The following SEC24C variants were observed in gnomAD, a reference collection of about 807,000 sequenced individuals.
The protein encoded by SEC24C is SEC24 homolog C, COPII component, also known as protein transport protein Sec24C.
SEC24C carries 22 observed loss-of-function variants against 117.0 expected under a neutral mutation model. The observed-to-expected ratio is 0.19, with a 90% confidence interval of 0.13 to 0.27. The LOEUF (loss-of-function observed/expected upper bound fraction) is 0.27. Ranked by LOEUF, SEC24C falls within the 10% of genes least tolerant of loss-of-function variation. The pLI, the probability that SEC24C is intolerant of heterozygous loss-of-function variation, is 1.00. For missense variants in SEC24C, 1,155 were observed against 1,375.1 expected (o/e 0.84, Z 2.53); for synonymous variants, 506 against 529.4 (o/e 0.96, Z 0.61).
Position 73,763,606 on chromosome 10 carries a change from G to A in SEC24C, c.1099+5G>A. 1.4e-6 allele frequency: 2 copies of A among 1,433,784 alleles called. No homozygotes were observed. The highest frequency in any genetic ancestry group is 1.9e-6 in the Non-Finnish European group (2 of 1,058,948). 88.8% of individuals were successfully genotyped at this position (1,433,784 alleles called of 1,614,324 possible). On this transcript the variant is annotated splice_donor_5th_base_variant and intron_variant, in intron 7 of 22. Transcript: ENST00000345254. ...ACTTCCTGGTGAAAGACCAAGGTGA[G>A]AATGGAATTAGCTCCTCCCACAGGG...
At chr10:73,766,618 G>A (rs1047413358) in intron 12 of SEC24C, 77 bp downstream of exon 12, 4 of 1,491,796 alleles carry the variant, frequency 2.7e-6, no homozygotes, top group East Asian at 2.3e-5. Context: ...TTGAACAGAG[G>A]TATTGGACAG....
chr10:73,765,742 C>T, intron 9 of SEC24C, 58 bp from the exon 10 acceptor site: 3 of 1,569,342 alleles, frequency 1.9e-6, no homozygotes, highest in Non-Finnish European at 2.6e-6. Context: ...TCAGCTAGGG[C>T]CAGAATACTA....
chr10:73,762,192 G>A (rs976652976), intron 6 of SEC24C: 1 of 1,285,280 alleles, frequency 7.8e-7, no homozygotes, highest in Non-Finnish European at 1.0e-6. Flanking sequence ...GGGTGTTTGT[G>A]CATGTCATTC....
Position 73,748,725 on chromosome 10 carries a change from C to T in SEC24C, c.172+1721C>T, listed in dbSNP as rs139969257. 5.4e-3 allele frequency among the ~76,000 whole-genome samples: 802 copies of T among 149,686 alleles called. 6 individuals carry two copies. The highest frequency in any genetic ancestry group is 0.018 in the African/African-American group (736 of 40,612). Reference sequence around the variant, plus strand: ...TGCTGGGATTACAGGTGTGAGCCACCGTACCTGGCCTTATTTTTTTTCTTT... The same window carrying T: ...TGCTGGGATTACAGGTGTGAGCCACTGTACCTGGCCTTATTTTTTTTCTTT... On this transcript the variant is annotated intron_variant, in intron 2 of 22. Transcript: ENST00000345254.
chr10:73,766,952 G>A (rs1040101983), intron 13 of SEC24C, 99 bp downstream of exon 13: 17 of 1,368,744 alleles, frequency 1.2e-5, no homozygotes, highest in Admixed American at 1.7e-5. Flanking sequence ...GTGGGTGACT[G>A]TCCAGTGTGT....
In SEC24C at chr10:73,759,956, A is replaced by G. The variant is rs1396990692; in HGVS notation, c.482-62A>G. ...CCCCTCTTGTGTGGAAAGGGAAGTG[A>G]TATACCGAACAAGGAGGCAGAATGA... is the stretch of plus-strand genomic sequence containing the variant. On this transcript the variant is annotated intron_variant, in intron 4 of 22. Coordinates refer to ENST00000345254, the MANE Select transcript of SEC24C (RefSeq NM_198597.3). The G allele has an allele frequency of 5.3e-6, 8 of 1,517,280 alleles. No homozygotes were observed. The South Asian group carries it at 9.2e-5, about 17-fold the overall frequency. 94.0% of individuals were successfully genotyped at this position (1,517,280 alleles called of 1,614,324 possible). A position where few individuals can be genotyped will look rare whatever the true frequency, so the allele number is the denominator to read the frequency against.
At chr10:73,755,444 G>A (rs1049444977) in intron 3 of SEC24C, among the ~76,000 whole-genome samples, 6 of 152,134 alleles carry the variant, frequency 3.9e-5, no homozygotes, top group African/African-American at 1.2e-4. Context: ...TTGGGAGGCC[G>A]AGGCGGGTGG....
intron 3 of SEC24C, among the ~76,000 whole-genome samples, chr10:73,757,719 TG>T (rs2132543224): frequency 1.5e-5 from 1 of 67,436 alleles, no homozygotes; most frequent in African/African-American, 4.7e-5. Flanking sequence ...AAGACTATCC[TG>T]GGCAGCATAG....
Position 73,766,218 on chromosome 10 carries a change from T to A in SEC24C, c.1607+8T>A, listed in dbSNP as rs895970020. Reference sequence around the variant, plus strand: ...GTTAGACTTTCTACCTAGGTGAGAGTTACAGAACTGAGGTGTTTCCTGAGG... The same window carrying A: ...GTTAGACTTTCTACCTAGGTGAGAGATACAGAACTGAGGTGTTTCCTGAGG... On this transcript the variant is annotated splice_region_variant and intron_variant, in intron 11 of 22. Coordinates refer to ENST00000345254, the MANE Select transcript of SEC24C (RefSeq NM_198597.3). The A allele has an allele frequency of 6.2e-6, 10 of 1,609,370 alleles. No homozygotes were observed. The highest frequency in any genetic ancestry group is 8.5e-6 in the Non-Finnish European group (10 of 1,178,516).
At position 73,771,197 on chromosome 10, in the gene SEC24C, AGT is replaced by A. The variant is rs2082976813; in HGVS notation, c.*103_*104del. 1 of 1,376,898 alleles carries A rather than the reference AGT, an allele frequency of 7.3e-7. No individual in the cohort carries two copies. Among genetic ancestry groups the A allele is most frequent in the African/African-American group, 1.4e-5 (1 of 69,062 alleles). 85.3% of individuals were successfully genotyped at this position (1,376,898 alleles called of 1,614,324 possible). A position where few individuals can be genotyped will look rare whatever the true frequency, so the allele number is the denominator to read the frequency against. ...AACATATCTTATGTAAGCTGACCTCAGTCTCTCTGGGGGGAGGGGGAGATATA... is the reference window on the plus strand; with the variant it reads ...AACATATCTTATGTAAGCTGACCTCACTCTCTGGGGGGAGGGGGAGATATA... On this transcript the variant is annotated 3_prime_UTR_variant, in exon 23 of 23. Coordinates refer to ENST00000345254, the MANE Select transcript of SEC24C (RefSeq NM_198597.3).
rs566075324 is a variant in SEC24C at position 73,769,566 on chromosome 10, C to T, written c.2564-49C>T. 1.9e-6 allele frequency: 3 copies of T among 1,612,184 alleles called. No individual in the cohort carries two copies. The highest frequency in any genetic ancestry group is 1.1e-5 in the South Asian group (1 of 90,974). Reference sequence around the variant, plus strand: ...GTGGGTAGTTGTGATGGTGGGAATGCACACATGATGGGCAGCTGACCAGTG... The same window carrying T: ...GTGGGTAGTTGTGATGGTGGGAATGTACACATGATGGGCAGCTGACCAGTG... On this transcript the variant is annotated intron_variant, in intron 18 of 22. Coordinates refer to ENST00000345254, the MANE Select transcript of SEC24C (RefSeq NM_198597.3). The surrounding 1 kb of genome is among the most constrained non-coding windows in gnomAD (Gnocchi z 4.5).
chr10:73,763,880 G>A lies in SEC24C; in HGVS notation c.1124G>A (p.Arg375Gln), dbSNP rs1405104840. The A allele has an allele frequency of 2.5e-6, 4 of 1,613,464 alleles. No homozygotes were observed. The highest frequency in any genetic ancestry group is 2.7e-5 in the African/African-American group (2 of 74,752). The change falls in exon 8 of 23, where the codon CGA becomes CAA. Residue 375 changes from arginine to glutamine, a missense_variant. Physicochemically the swap from Arg to Gln is conservative, Grantham distance 43. Transcript: ENST00000345254. ...DQGNASPRYI[R>Q]CTSYNIPCTS... The stretch of plus-strand genomic sequence containing the variant: ...GGGAATGCAAGTCCCCGATACATCC[G>A]ATGTACATCCTATAATATCCCTTGC...
At chr10:73,770,823 T>A in intron 22 of SEC24C, 25 bp downstream of exon 22, 1 of 1,613,532 alleles carries the variant, frequency 6.2e-7, no homozygotes, top group Non-Finnish European at 8.5e-7. Context: ...AACCCTGGAT[T>A]TCTTACCTTG....
In SEC24C at chr10:73,759,703, C is replaced by G; in HGVS notation, c.390C>G (p.Pro130=). ...QPPVLQPYGP[P]PTSAQVATQL... ...CTGTGCTTCAGCCCTATGGCCCTCC[C>G]CCGACAAGTGCACAGGTGGCTACGC... The change falls in exon 4 of 23, where the codon CCC becomes CCG. Residue 130 remains proline, a synonymous_variant. Transcript: ENST00000345254. The G allele has an allele frequency of 1.2e-6, 2 of 1,609,342 alleles. No individual in the cohort carries two copies. Among genetic ancestry groups the G allele is most frequent in the Non-Finnish European group, 1.7e-6 (2 of 1,178,670 alleles).
rs1487975388 is a variant in SEC24C, at chr10:73,766,459, G to T, written c.1717G>T (p.Val573Leu). 2.5e-6 allele frequency: 4 copies of T among 1,614,150 alleles called. No homozygotes were observed. In the East Asian group the frequency reaches 6.7e-5, roughly 27 times the overall value. The stretch of plus-strand genomic sequence containing the variant: ...ATTGGCCCAGCCACAGATGATGGTT[G>T]TGTCTGATGTGGCTGACATGTTTGT... ...SSLAQPQMMV[V>L]SDVADMFVPL... Residue 573 changes from valine (V) to leucine (L), a missense_variant, in exon 12 of 23, where the codon GTG becomes TTG. Physicochemically the swap from Val to Leu is conservative, Grantham distance 32. Transcript: ENST00000345254.
chr10:73,746,719 C>T (rs1055886748), intron 1 of SEC24C, 86 bp from the exon 2 acceptor site: 7 of 861,998 alleles, frequency 8.1e-6, no homozygotes, highest in Non-Finnish European at 1.0e-5. Context: ...CTGATAAGGT[C>T]AATTTCTTTT....
chr10:73,769,715 C>A lies in SEC24C; in HGVS notation c.2664C>A (p.Ser888Arg). Reference sequence around the variant, plus strand: ...CCTGTTACAGAAAGAACTGTGCTAGCCCCTCCTCTGCAGGACAGGTGGGGC... The same window carrying A: ...CCTGTTACAGAAAGAACTGTGCTAGACCCTCCTCTGCAGGACAGGTGGGGC... Reference protein sequence around the residue: ...ILACYRKNCASPSSAGQLILP... With the variant: ...ILACYRKNCARPSSAGQLILP... Residue 888 changes from serine (S) to arginine (R), a missense_variant, in exon 19 of 23, where the codon AGC becomes AGA. Transcript: ENST00000345254. The surrounding 1 kb of genome is among the most constrained non-coding windows in gnomAD (Gnocchi z 4.5). 6.2e-7 allele frequency: 1 copy of A among 1,614,184 alleles called. No homozygotes were observed. Among genetic ancestry groups the A allele is most frequent in the Non-Finnish European group, 8.5e-7 (1 of 1,180,016 alleles).
intron 3 of SEC24C, among the ~76,000 whole-genome samples, chr10:73,754,023 A>G (rs1402468364): frequency 6.6e-6 from 1 of 152,140 alleles, no homozygotes. Context: ...GTGTGGCCCA[A>G]GACACTTCTT....
chr10:73,769,758 G>A lies in SEC24C; in HGVS notation c.2682+25G>A. On this transcript the variant is annotated intron_variant, in intron 19 of 22. Transcript: ENST00000345254. This position sits in a 1 kb window ranked among gnomAD's most constrained non-coding sequence, Gnocchi z 4.5. ...GGTGGGGCAAGTATATTAGTGGGAG[G>A]TGGGGTTGTTGGGACAAATGTTTGC... 2 of 1,613,050 alleles carry A rather than the reference G, an allele frequency of 1.2e-6. No individual in the cohort carries two copies. Among genetic ancestry groups the A allele is most frequent in the South Asian group, 1.1e-5 (1 of 91,068 alleles).
Sources: gnomAD v4.1 joint callset for allele counts (sites outside exome capture counted in the v4.1 genomes callset) on GRCh38, gnomAD v4.1.1 for gene constraint, Gnocchi (gnomAD v3.1) non-coding constraint, MANE v1.5 for transcripts, NCBI Gene and HGNC (gene_info 2026-07-23, HGNC 2026-07-21) for gene names.